Variants in ANKRD36C observed in about 807,000 individuals in gnomAD.
ANKRD36C encodes ankyrin repeat domain 36C.
A neutral mutation model predicts 276.4 loss-of-function variants in ANKRD36C; 61 were observed. The observed-to-expected ratio is 0.22, with a 90% CI of 0.18 to 0.27. The LOEUF (loss-of-function observed/expected upper bound fraction) is 0.27, where lower values mean the gene tolerates loss of function less well. ANKRD36C is among the 10% of genes least tolerant of loss of function. ANKRD36C has a pLI of 1.00. For synonymous variants in ANKRD36C, 483 were observed against 680.1 expected (o/e 0.71, Z 4.51); for missense variants, 1,447 against 2,032.3 (o/e 0.71, Z 5.54).
chr2:95,910,392 A>G, intron 42 of ANKRD36C: 1 of 1,546,006 alleles, frequency 6.5e-7, no homozygotes, highest in Non-Finnish European at 8.7e-7. Flanking sequence ...ATTTTTCTCC[A>G]TCCTTTTCTT....
rs540970289 is a variant in ANKRD36C at position 95,873,029 on chromosome 2, C to G, written c.3540+3410G>C. Among the ~76,000 whole-genome samples, 58 of 152,274 alleles carry G rather than the reference C, an allele frequency of 3.8e-4. 1 individual carries two copies. The highest frequency in any genetic ancestry group is 4.1e-4 in the South Asian group (2 of 4,832). ...CTGAAATTGTGGCAATAATCAATAG[C>G]TTACCAACCAAAAAGAGTCCAGGAC... is the stretch of plus-strand genomic sequence containing the variant. On this transcript the variant is annotated intron_variant, in intron 59 of 66. Coordinates refer to ENST00000456556, the Ensembl canonical transcript of ANKRD36C.
chr2:95,962,572 T>C, intron 6 of ANKRD36C, 25 bp from the exon 7 acceptor site: 1 of 1,598,526 alleles, frequency 6.3e-7, no homozygotes, highest in East Asian at 2.2e-5. Flanking sequence ...GGATACATCA[T>C]CAATCATAGG....
exon 16 of ANKRD36C, chr2:95,950,779 A>G (rs78715705): frequency 8.2e-6 from 12 of 1,464,228 alleles, no homozygotes; most frequent in Non-Finnish European, 1.1e-5. Context: ...AGGAGGAAGC[A>G]CTATTAAAGA....
At chr2:95,944,544 A>G in intron 19 of ANKRD36C, 83 bp downstream of exon 19, 1 of 1,339,348 alleles carries the variant, frequency 7.5e-7, no homozygotes, top group Non-Finnish European at 1.0e-6. Flanking sequence ...AAAATTAAAG[A>G]TCATTAACAG....
intron 6 of ANKRD36C, among the ~76,000 whole-genome samples, chr2:95,964,009 ATATATG>A (rs1252223573): frequency 2.5e-4 from 5 of 20,372 alleles, no homozygotes; most frequent in Non-Finnish European, 3.7e-4. Flanking sequence ...ATATATATAT[ATATATG>A]TGTGTGTGTG....
At chr2:95,973,684 T>C (rs565644707) in intron 6 of ANKRD36C, among the ~76,000 whole-genome samples, 2 of 152,090 alleles carry the variant, frequency 1.3e-5, no homozygotes, top group Admixed American at 6.6e-5. Context: ...TATCCACTTC[T>C]GCTCCCAAAC....
At chr2:95,870,185 G>T (rs1025012931) in intron 59 of ANKRD36C, among the ~76,000 whole-genome samples, 2 of 152,198 alleles carry the variant, frequency 1.3e-5, no homozygotes, top group African/African-American at 4.8e-5. Context: ...TGCAGCTGGA[G>T]ATCTGAGAAT....
intron 42 of ANKRD36C, among the ~76,000 whole-genome samples, chr2:95,910,806 A>C (rs1041337605): frequency 6.6e-6 from 1 of 151,420 alleles, no homozygotes; most frequent in African/African-American, 2.4e-5. Context: ...CATATGTCTA[A>C]AACTAAAATA....
intron 34 of ANKRD36C, among the ~76,000 whole-genome samples, chr2:95,918,897 A>AGC (rs1296650367): frequency 7.1e-6 from 1 of 140,170 alleles, no homozygotes; most frequent in Non-Finnish European, 1.6e-5. Flanking sequence ...AAAACATGAT[A>AGC]CTTCTTGGGA....
chr2:95,852,068 C>T lies in ANKRD36C; in HGVS notation c.5219+58G>A, dbSNP rs1423746953. On this transcript the variant is annotated intron_variant, in intron 65 of 66. Coordinates refer to ENST00000456556, the Ensembl canonical transcript of ANKRD36C. ...CATAACTGATACAATTTTCATACTA[C>T]AGTGCTCCTTTGCTTTATAAATACT... 2.6e-6 allele frequency: 4 copies of T among 1,517,370 alleles called. No individual in the cohort carries two copies. The East Asian group carries it at 9.1e-5, about 35-fold the overall frequency. The allele number at this position is 1,517,370 out of a possible 1,614,324, so 94.0% of individuals were successfully genotyped here. A position where few individuals can be genotyped will look rare whatever the true frequency, so the allele number is the denominator to read the frequency against.
At chr2:95,975,750 C>T (rs1368139272) in intron 6 of ANKRD36C, among the ~76,000 whole-genome samples, 33 of 152,180 alleles carry the variant, frequency 2.2e-4, no homozygotes, top group African/African-American at 5.8e-4. Context: ...CCAAAAGCAA[C>T]GGCAACAAAA....
At chr2:95,948,873 G>A (rs1678125198) in intron 16 of ANKRD36C, among the ~76,000 whole-genome samples, 2 of 152,198 alleles carry the variant, frequency 1.3e-5, no homozygotes, top group African/African-American at 4.8e-5. Context: ...ATTAGTGACA[G>A]GCATTATAAT....
chr2:95,914,233 T>C (rs765697518), intron 39 of ANKRD36C, 42 bp downstream of exon 41: 11 of 1,558,250 alleles, frequency 7.1e-6, no homozygotes, highest in Non-Finnish European at 8.7e-6. Context: ...TTTCATAGAC[T>C]ATGCATTTAC....
intron 20 of ANKRD36C, among the ~76,000 whole-genome samples, chr2:95,940,956 C>T (rs932006416): frequency 1.4e-5 from 2 of 147,744 alleles, no homozygotes; most frequent in African/African-American, 4.9e-5. Flanking sequence ...TAAAATTAGG[C>T]TTATAATTTA....
At chr2:95,880,668 T>G in intron 56 of ANKRD36C, 45 bp from the exon 77 acceptor site, 1 of 1,515,072 alleles carries the variant, frequency 6.6e-7, no homozygotes, top group Non-Finnish European at 9.0e-7. Context: ...GTAAATATGG[T>G]AAGGCCAACC....
chr2:95,981,537 G>A (rs1678917393), intron 4 of ANKRD36C, among the ~76,000 whole-genome samples: 2 of 147,934 alleles, frequency 1.4e-5, no homozygotes, highest in South Asian at 4.2e-4. Context: ...TGTAATATAT[G>A]CACATACTTA....
chr2:95,886,364 C>T (rs1298412646), intron 50 of ANKRD36C, 120 bp from the exon 71 acceptor site: 1 of 859,094 alleles, frequency 1.2e-6, no homozygotes, highest in Non-Finnish European at 1.8e-6. Flanking sequence ...GGCTTTGATG[C>T]TTTATACTTT....
At chr2:95,879,254 T>C (rs975424352) in intron 58 of ANKRD36C, among the ~76,000 whole-genome samples, 1 of 152,050 alleles carries the variant, frequency 6.6e-6, no homozygotes, top group African/African-American at 2.4e-5. Flanking sequence ...ATTTCAAAAA[T>C]AGAGCTCATG....
chr2:95,860,554 A>T (rs62156921), intron 60 of ANKRD36C, among the ~76,000 whole-genome samples: 28 of 152,140 alleles, frequency 1.8e-4, no homozygotes, highest in Middle Eastern at 3.2e-3. Flanking sequence ...TGATTTTTCA[A>T]CTTATCTGAA....
Sources: allele counts gnomAD v4.1 joint callset (sites outside exome capture counted in the v4.1 genomes callset), GRCh38; gene constraint gnomAD v4.1.1; transcripts MANE v1.5; gene names NCBI Gene and HGNC (gene_info 2026-07-23, HGNC 2026-07-21).